The following ZFPM1 variants were observed in gnomAD, a reference collection of about 807,000 sequenced individuals.
ZFPM1 encodes the protein zinc finger protein, FOG family member 1, also known as zinc finger protein ZFPM1.
A neutral mutation model predicts 46.3 loss-of-function variants in ZFPM1; 28 were observed. The ratio of observed to expected loss-of-function variants is 0.60; its 90% CI spans 0.45 to 0.83. The LOEUF (loss-of-function observed/expected upper bound fraction) is 0.83, where lower values mean the gene tolerates loss of function less well. Ranked by LOEUF, ZFPM1 falls within the 40% of genes least tolerant of loss-of-function variation. The probability of loss-of-function intolerance (pLI) is 0.00; values close to 1 mark genes in which losing one functional copy is unlikely to be tolerated. For missense variants in ZFPM1, 1,878 were observed against 1,432.4 expected (o/e 1.31, Z -5.02); for synonymous variants, 957 against 675.9 (o/e 1.42, Z -6.45).
At chr16:88,467,979 C>T (rs1908216121) in intron 1 of ZFPM1, among the ~76,000 whole-genome samples, 1 of 151,796 alleles carries the variant, frequency 6.6e-6, no homozygotes, top group Admixed American at 6.6e-5. Context: ...AGTGAGAACA[C>T]ACTCTCAACC....
At position 88,532,645 on chromosome 16, in the gene ZFPM1, G is replaced by A; in HGVS notation, c.978G>A (p.Leu326=). Residue 326 remains leucine (L), a synonymous_variant, in exon 8 of 10, where the codon CTG becomes CTA. Coordinates refer to ENST00000319555, the MANE Select transcript of ZFPM1 (RefSeq NM_153813.3). ...GERPFVCLIC[L]SAFTTKANCE... is the part of the protein sequence containing the mutation. ...GGCCCTTCGTGTGCCTGATCTGCCT[G>A]TCGGCCTTCACCACCAAGGCCAACT... 1.3e-6 allele frequency: 2 copies of A among 1,588,978 alleles called. No individual in the cohort carries two copies. The highest frequency in any genetic ancestry group is 2.3e-5 in the East Asian group (1 of 43,478).
At chr16:88,520,664 G>T in intron 4 of ZFPM1, among the ~76,000 whole-genome samples, 1 of 142,274 alleles carries the variant, frequency 7.0e-6, no homozygotes, top group East Asian at 2.1e-4. Context: ...TGGATGGGAG[G>T]GTGGGTGGAT....
intron 1 of ZFPM1, among the ~76,000 whole-genome samples, chr16:88,460,892 G>A (rs1231333314): frequency 6.6e-6 from 1 of 151,690 alleles, no homozygotes; most frequent in Non-Finnish European, 1.5e-5. Flanking sequence ...TAAGGACTGA[G>A]GGATGGGAGG....
Position 88,532,157 on chromosome 16 carries a change from CG to C in ZFPM1, c.869del (p.Arg290ProfsTer34). On this transcript the variant is annotated frameshift_variant, in exon 7 of 10. Coordinates refer to ENST00000319555, the MANE Select transcript of ZFPM1 (RefSeq NM_153813.3). LOFTEE classifies it high-confidence loss of function. ...EKPKETYPNE[R>X]VCPFPQCRKS... ...GCCCAAAGAGACCTACCCCAACGAG[CG>C]CGTCTGCCCCTTCCCCCAGTGCCGC... The C allele has an allele frequency of 6.2e-7, 1 of 1,612,528 alleles. No homozygotes were observed. Among genetic ancestry groups the C allele is most frequent in the Non-Finnish European group, 8.5e-7 (1 of 1,179,728 alleles).
chr16:88,476,157 C>T (rs2142360857), intron 1 of ZFPM1, among the ~76,000 whole-genome samples: 1 of 152,062 alleles, frequency 6.6e-6, no homozygotes, highest in South Asian at 2.1e-4. Context: ...TGGGACTCAG[C>T]CTGGCTCACC....
intron 3 of ZFPM1, among the ~76,000 whole-genome samples, chr16:88,493,824 C>A (rs1284977249): frequency 6.6e-6 from 1 of 152,134 alleles, no homozygotes; most frequent in Non-Finnish European, 1.5e-5. Context: ...GGGAGGCACT[C>A]AGTGGGTGCT....
chr16:88,513,305 TGG>T (rs1489855988), intron 3 of ZFPM1: 1 of 152,260 alleles, frequency 6.6e-6, no homozygotes, highest in Non-Finnish European at 1.5e-5. Flanking sequence ...TTATCTGCCC[TGG>T]GGAAGACAAA....
intron 2 of ZFPM1, among the ~76,000 whole-genome samples, chr16:88,487,910 C>G (rs1436609872): frequency 6.6e-6 from 1 of 152,234 alleles, no homozygotes; most frequent in African/African-American, 2.4e-5. Context: ...CTGGTGAGGC[C>G]TGGGACCCGC....
At chr16:88,494,963 A>C (rs1909851788) in intron 3 of ZFPM1, among the ~76,000 whole-genome samples, 2 of 152,206 alleles carry the variant, frequency 1.3e-5, no homozygotes, top group African/African-American at 4.8e-5. Flanking sequence ...TGTTTGCCGG[A>C]GGGGCGGCTG....
intron 3 of ZFPM1, among the ~76,000 whole-genome samples, chr16:88,495,247 A>C (rs1909869216): frequency 6.6e-6 from 1 of 152,230 alleles, no homozygotes; most frequent in Non-Finnish European, 1.5e-5. Flanking sequence ...CCCAGAGAGT[A>C]ATCGTGTAGG....
At chr16:88,516,737 A>T in intron 4 of ZFPM1, 2 of 395,966 alleles carry the variant, frequency 5.1e-6, no homozygotes, top group East Asian at 3.6e-5. Flanking sequence ...CCCCTCCCTG[A>T]GGAGGACGTT....
At chr16:88,483,452 C>T (rs1338806200) in intron 1 of ZFPM1, among the ~76,000 whole-genome samples, 1 of 152,236 alleles carries the variant, frequency 6.6e-6, no homozygotes, top group African/African-American at 2.4e-5. Context: ...GCCCCAGGGC[C>T]TTTGCACATA....
Position 88,478,630 on chromosome 16 carries a change from T to G in ZFPM1, c.41-7309T>G, listed in dbSNP as rs75377474. The stretch of plus-strand genomic sequence containing the variant: ...CCGGTGAACCAGTGTGACCTACAAA[T>G]AAACGAGGCTCCGGCAGAGCTGGGG... On this transcript the variant is annotated intron_variant, in intron 1 of 9. Coordinates refer to ENST00000319555, the MANE Select transcript of ZFPM1 (RefSeq NM_153813.3). Among the ~76,000 whole-genome samples, 499 of 152,250 alleles carry G rather than the reference T, an allele frequency of 3.3e-3. 3 individuals are homozygous for G. The highest frequency in any genetic ancestry group is 0.012 in the African/African-American group (485 of 41,542).
rs142075825 is a variant in ZFPM1, at chr16:88,494,710, G to A, written c.268+5557G>A. 1.6e-4 allele frequency among the ~76,000 whole-genome samples: 25 copies of A among 152,244 alleles called. 1 individual carries two copies. The highest frequency in any genetic ancestry group is 5.8e-4 in the African/African-American group (24 of 41,556). On this transcript the variant is annotated intron_variant, in intron 3 of 9. Coordinates refer to ENST00000319555, the MANE Select transcript of ZFPM1 (RefSeq NM_153813.3). ...GGGCGAGGCGGGCGTGGACAGGCAG[G>A]AGTGCGGCCCGGTCACTGGGCCTGT...
chr16:88,480,563 A>G lies in ZFPM1; in HGVS notation c.41-5376A>G, dbSNP rs1403389757. On this transcript the variant is annotated intron_variant, in intron 1 of 9. Transcript: ENST00000319555. The surrounding 1 kb of genome is among the most constrained non-coding windows in gnomAD (Gnocchi z 4.9). ...TCCACTTCCTCCCCTCTAGACCAAG[A>G]ATGAGAGAACTCCCAAGAGAGGCCA... Among the ~76,000 whole-genome samples, 2 of 152,148 alleles carry G rather than the reference A, an allele frequency of 1.3e-5. No homozygotes were observed. The highest frequency in any genetic ancestry group is 2.9e-5 in the Non-Finnish European group (2 of 68,006).
At chr16:88,506,491 G>A (rs906344490) in intron 3 of ZFPM1, among the ~76,000 whole-genome samples, 16 of 147,918 alleles carry the variant, frequency 1.1e-4, no homozygotes, top group Non-Finnish European at 2.4e-4. Context: ...AATCCAGAAA[G>A]GACTGAATGG....
chr16:88,474,756 A>G (rs1211121094), intron 1 of ZFPM1, among the ~76,000 whole-genome samples: 3 of 152,108 alleles, frequency 2.0e-5, no homozygotes, highest in African/African-American at 4.8e-5. Context: ...ATTCCCACAC[A>G]TAGGATGTTC....
At chr16:88,481,779 C>T (rs978156464) in intron 1 of ZFPM1, among the ~76,000 whole-genome samples, 42 of 152,138 alleles carry the variant, frequency 2.8e-4, no homozygotes, top group African/African-American at 9.2e-4. Flanking sequence ...AAGACCATCT[C>T]GCTGGACTAC....
chr16:88,523,230 C>A (rs890394752), intron 4 of ZFPM1, among the ~76,000 whole-genome samples: 2 of 152,006 alleles, frequency 1.3e-5, no homozygotes, highest in Non-Finnish European at 2.9e-5. Context: ...AAATAGGCCC[C>A]CTTCCCCCTT....
Sources: gnomAD v4.1 joint callset for allele counts (sites outside exome capture counted in the v4.1 genomes callset) on GRCh38, gnomAD v4.1.1 for gene constraint, Gnocchi (gnomAD v3.1) non-coding constraint, MANE v1.5 for transcripts, NCBI Gene and HGNC (gene_info 2026-07-23, HGNC 2026-07-21) for gene names.